HMCN2: variants seen among roughly 807,000 people sequenced by gnomAD.
HMCN2 encodes hemicentin 2, also known as hemicentin-2.
Under a neutral mutation model 377.5 loss-of-function variants are expected in HMCN2, and 325 were observed. The ratio of observed to expected loss-of-function variants is 0.86; its 90% CI spans 0.79 to 0.94. HMCN2 has a LOEUF of 0.94. Among genes scored for constraint, HMCN2 ranks in the 40% least tolerant of loss-of-function variants. The pLI, the probability that HMCN2 is intolerant of heterozygous loss-of-function variation, is 0.00. For synonymous variants in HMCN2, 2,007 were observed against 2,046.8 expected (o/e 0.98, Z 0.53); for missense variants, 4,543 against 4,725.3 (o/e 0.96, Z 1.13).
intron 26 of HMCN2, 47 bp from the exon 27 acceptor site, chr9:130,348,498 C>G (rs1488376293): frequency 7.7e-7 from 1 of 1,296,046 alleles, no homozygotes; most frequent in African/African-American, 1.5e-5. Flanking sequence ...TCGGCTGTGG[C>G]TCTAAGGGGG....
Position 130,358,470 on chromosome 9 carries a change from G to A in HMCN2, c.5661G>A (p.Val1887=), listed in dbSNP as rs1054180736. 4 of 1,304,370 alleles carry A rather than the reference G, an allele frequency of 3.1e-6. No homozygotes were observed. Among genetic ancestry groups the A allele is most frequent in the Non-Finnish European group, 4.0e-6 (4 of 988,960 alleles). The allele number at this position is 1,304,370 out of a possible 1,614,324, so 80.8% of individuals were successfully genotyped here. Residue 1887 remains valine, a synonymous_variant, in exon 36 of 98, where the codon GTG becomes GTA. Transcript: ENST00000683500. ...TGGCTGGGGAGAGCAAGAGGGAAGT[G>A]GCGCTGAAAGTTTTGGGTGAGGACG... The part of the protein sequence containing the change: ...TNLAGESKRE[V]ALKVLVPPNI...
chr9:130,409,186 A>G (rs1037307867), intron 84 of HMCN2, among the ~76,000 whole-genome samples: 1 of 152,240 alleles, frequency 6.6e-6, no homozygotes, highest in African/African-American at 2.4e-5. Flanking sequence ...ATTAGAAATC[A>G]GTGAGATGTC....
rs1554919634 is a variant in HMCN2 at position 130,267,476 on chromosome 9, A to ACGCG, written c.259+1342_259+1343insGCGC. On this transcript the variant is annotated intron_variant, in intron 1 of 97. Coordinates refer to ENST00000683500, the MANE Select transcript of HMCN2 (RefSeq NM_001291815.2). The stretch of plus-strand genomic sequence containing the variant: ...CACACACACACACACACACACACAC[A>ACGCG]CGCACAGATTCCTTGCTAAATTGTA... Among the ~76,000 whole-genome samples the ACGCG allele has an allele frequency of 1.9e-3, 290 of 149,932 alleles. 2 individuals carry two copies. In the East Asian group the frequency reaches 0.021, roughly 11 times the overall value.
chr9:130,333,290 C>T (rs1481372523), intron 22 of HMCN2, among the ~76,000 whole-genome samples: 1 of 152,116 alleles, frequency 6.6e-6, no homozygotes, highest in East Asian at 1.9e-4. Context: ...AGGGTATTGC[C>T]TGGGGCAGCA....
At position 130,430,592 on chromosome 9, in the gene HMCN2, G is replaced by A. The variant is rs781592159; in HGVS notation, c.14635G>A (p.Gly4879Arg). ...WCPPGFIRQN[G>R]VCTDLDECRV... is the part of the protein sequence containing the mutation. ...CCCTCCTGGTTTCATCAGGCAGAAC[G>A]GAGTCTGCACAGGTAAGGCCAGGCC... Residue 4879 changes from glycine (G) to arginine (R), a missense_variant, in exon 95 of 98, where the codon GGA (glycine) becomes AGA (arginine). This residue lies in a region of HMCN2 where 1,155 missense variants were observed against 1,157.7 expected (regional missense o/e 1.00). Coordinates refer to ENST00000683500, the MANE Select transcript of HMCN2 (RefSeq NM_001291815.2). 168 of 1,549,608 alleles carry A rather than the reference G, an allele frequency of 1.1e-4. No homozygotes were observed. The highest frequency in any genetic ancestry group is 1.4e-4 in the Non-Finnish European group (155 of 1,146,474).
chr9:130,431,945 C>T (rs1041342201), intron 96 of HMCN2, among the ~76,000 whole-genome samples: 41 of 152,234 alleles, frequency 2.7e-4, no homozygotes, highest in African/African-American at 9.6e-4. Context: ...TGTGCACAAA[C>T]GGGGCTGGGG....
intron 87 of HMCN2, among the ~76,000 whole-genome samples, chr9:130,424,388 G>A (rs1263632265): frequency 7.4e-5 from 11 of 149,096 alleles, no homozygotes; most frequent in East Asian, 2.0e-4. Flanking sequence ...GGGTTTCACC[G>A]TGTTAGCCAG....
In HMCN2 at chr9:130,360,687, G is replaced by A. The variant is rs1457211495; in HGVS notation, c.5950+83G>A. ...TGTCTATTAGTCTGTCCATCCACCT[G>A]TCCACTCATCCATCCATCTACCACC... On this transcript the variant is annotated intron_variant, in intron 38 of 97. Coordinates refer to ENST00000683500, the MANE Select transcript of HMCN2 (RefSeq NM_001291815.2). This position sits in a 1 kb window ranked among gnomAD's most constrained non-coding sequence, Gnocchi z 4.7. 15 of 814,062 alleles carry A rather than the reference G, an allele frequency of 1.8e-5. No homozygotes were observed. The highest frequency in any genetic ancestry group is 2.6e-5 in the Non-Finnish European group (15 of 586,462). 50.4% of individuals were successfully genotyped at this position (814,062 alleles called of 1,614,324 possible). A position where few individuals can be genotyped will look rare whatever the true frequency, so the allele number is the denominator to read the frequency against.
chr9:130,299,376 A>T (rs915955001), intron 8 of HMCN2, 88 bp downstream of exon 8: 17 of 367,098 alleles, frequency 4.6e-5, no homozygotes, highest in Non-Finnish European at 9.6e-5. Context: ...GGATTAGATT[A>T]AATTAGATTA....
chr9:130,273,096 C>T (rs1834490425), intron 1 of HMCN2, among the ~76,000 whole-genome samples: 1 of 151,858 alleles, frequency 6.6e-6, no homozygotes, highest in African/African-American at 2.4e-5. Flanking sequence ...AGTAAAGATT[C>T]ATAGTTTTTC....
chr9:130,399,628 C>T lies in HMCN2; in HGVS notation c.11601C>T (p.Val3867=), dbSNP rs1362055004. The stretch of plus-strand genomic sequence containing the variant: ...CCCACAGGCTCTACCAGGTGACCGT[C>T]CATGGTGAGTCGGGGCAGAGGTGGA... ...GEAHRLYQVT[V]HVPPTIADDQ... Residue 3867 remains valine, a synonymous_variant, in exon 76 of 98, where the codon GTC becomes GTT. Transcript: ENST00000683500. 7.8e-7 allele frequency: 1 copy of T among 1,288,818 alleles called. No individual in the cohort carries two copies. 79.8% of individuals were successfully genotyped at this position (1,288,818 alleles called of 1,614,324 possible). A position where few individuals can be genotyped will look rare whatever the true frequency, so the allele number is the denominator to read the frequency against.
rs1238965740 is a variant in HMCN2 at position 130,431,435 on chromosome 9, T to A, written c.14716T>A (p.Cys4906Ser). 1.3e-6 allele frequency: 2 copies of A among 1,550,252 alleles called. No homozygotes were observed. The highest frequency in any genetic ancestry group is 1.2e-5 in the South Asian group (1 of 84,052). The change falls in exon 96 of 98, where the codon TGC becomes AGC. Residue 4906 changes from cysteine (C) to serine (S), a missense_variant. Cys to Ser is a moderately radical substitution (Grantham distance 112, BLOSUM62 -1). Transcript: ENST00000683500. ...ACRNTEGSYQ[C>S]LCPAGYRLLP... Reference sequence around the variant, plus strand: ...CCGCAACACTGAGGGCAGCTACCAGTGCCTGTGCCCCGCCGGCTACCGTCT... The same window carrying A: ...CCGCAACACTGAGGGCAGCTACCAGAGCCTGTGCCCCGCCGGCTACCGTCT...
At chr9:130,311,594 G>C (rs1837244365) in intron 15 of HMCN2, among the ~76,000 whole-genome samples, 1 of 152,168 alleles carries the variant, frequency 6.6e-6, no homozygotes, top group Non-Finnish European at 1.5e-5. Flanking sequence ...AGGGGCTGTG[G>C]GTGCCCAGAG....
chr9:130,373,619 GGATGGATGGATGGATGGATGAATGGATA>G, intron 48 of HMCN2, among the ~76,000 whole-genome samples: 1 of 151,082 alleles, frequency 6.6e-6, no homozygotes, highest in Non-Finnish European at 1.5e-5. Flanking sequence ...ATGGATGGAT[GGATGGATGGATGGATGGATGAATGGATA>G]GATGGATAGG....
intron 40 of HMCN2, 99 bp downstream of exon 40, chr9:130,363,089 A>T (rs1452538695): frequency 1.1e-6 from 1 of 938,278 alleles, no homozygotes; most frequent in African/African-American, 1.8e-5. Flanking sequence ...GGCTGGGTGG[A>T]TGGAGGAGTG....
chr9:130,382,833 G>A lies in HMCN2; in HGVS notation c.8700G>A (p.Arg2900=), dbSNP rs1564838029. 1 of 985,890 alleles carries A rather than the reference G, an allele frequency of 1.0e-6. No individual in the cohort carries two copies. Among genetic ancestry groups the A allele is most frequent in the East Asian group, 1.1e-4 (1 of 8,816 alleles). 61.1% of individuals were successfully genotyped at this position (985,890 alleles called of 1,614,324 possible). ...GGCTGCCTTTCTCCCCGAGCCCACG[G>A]CTGCAGGTCCTGGAGGACGGGCAAG... is the stretch of plus-strand genomic sequence containing the variant. ...QNGLPFSPSP[R]LQVLEDGQVL... Residue 2900 remains arginine, a synonymous_variant, in exon 56 of 98, where the codon CGG becomes CGA. Coordinates refer to ENST00000683500, the MANE Select transcript of HMCN2 (RefSeq NM_001291815.2).
intron 22 of HMCN2, among the ~76,000 whole-genome samples, chr9:130,332,564 C>T (rs1318069202): frequency 2.0e-5 from 3 of 152,046 alleles, no homozygotes; most frequent in East Asian, 3.9e-4. Context: ...GCACCAGCAT[C>T]GCAGGGCTTA....
At chr9:130,311,710 T>G (rs1564774504) in intron 15 of HMCN2, among the ~76,000 whole-genome samples, 1 of 152,056 alleles carries the variant, frequency 6.6e-6, no homozygotes, top group East Asian at 1.9e-4. Flanking sequence ...ACAAAGGGAA[T>G]AGCACGTGCA....
In HMCN2 at chr9:130,359,303, C is replaced by A; in HGVS notation, c.5678-16C>A. 1 of 1,293,818 alleles carries A rather than the reference C, an allele frequency of 7.7e-7. No individual in the cohort carries two copies. Among genetic ancestry groups the A allele is most frequent in the South Asian group, 1.2e-5 (1 of 80,612 alleles). 80.1% of individuals were successfully genotyped at this position (1,293,818 alleles called of 1,614,324 possible). On this transcript the variant is annotated splice_polypyrimidine_tract_variant and intron_variant, in intron 36 of 97. Coordinates refer to ENST00000683500, the MANE Select transcript of HMCN2 (RefSeq NM_001291815.2). ...CTTGCACCTACCAAGCTGGGTCTCT[C>A]CTTGTCTCCCCCTAGTGCCCCCCAA...
Sources: allele counts gnomAD v4.1 joint callset (sites outside exome capture counted in the v4.1 genomes callset), GRCh38; gene constraint gnomAD v4.1.1; regional missense constraint gnomAD v4.1.1; non-coding constraint Gnocchi (gnomAD v3.1); transcripts MANE v1.5; gene names NCBI Gene and HGNC (gene_info 2026-07-23, HGNC 2026-07-21).